MEIS1: variants seen among roughly 807,000 people sequenced by gnomAD.
MEIS1 encodes homeobox protein Meis1.
In MEIS1, 5 loss-of-function variants were observed where a neutral mutation model predicts 50.8. The ratio of observed to expected loss-of-function variants is 0.10; its 90% CI spans 0.05 to 0.21. The LOEUF (loss-of-function observed/expected upper bound fraction) is 0.21. MEIS1 is among the 10% of genes least tolerant of loss of function. The probability of loss-of-function intolerance (pLI) is 1.00; values close to 1 mark genes in which losing one functional copy is unlikely to be tolerated. For missense variants in MEIS1, 318 were observed against 517.3 expected, an observed-to-expected ratio of 0.61 and a Z score of 3.74; for synonymous variants, 176 against 179.3, an observed-to-expected ratio of 0.98 and a Z score of 0.15.
At chr2:66,470,146 G>A (rs920780228) in intron 7 of MEIS1, among the ~76,000 whole-genome samples, 2 of 152,170 alleles carry the variant, frequency 1.3e-5, no homozygotes, top group African/African-American at 4.8e-5. Context: ...CAATGGCACT[G>A]TAATGATTTT....
chr2:66,458,129 C>T (rs1211064261), intron 6 of MEIS1, among the ~76,000 whole-genome samples: 1 of 151,920 alleles, frequency 6.6e-6, no homozygotes, highest in African/African-American at 2.4e-5. Flanking sequence ...TTGAATGGGA[C>T]CAGTAGTGTA....
intron 7 of MEIS1, among the ~76,000 whole-genome samples, chr2:66,471,949 T>A (rs1321657493): frequency 1.3e-5 from 2 of 152,254 alleles, no homozygotes; most frequent in Admixed American, 6.5e-5. Flanking sequence ...TTGTTTTATG[T>A]AAACGATGAA....
intron 8 of MEIS1, among the ~76,000 whole-genome samples, chr2:66,538,828 G>T (rs1488938307): frequency 6.6e-6 from 1 of 152,156 alleles, no homozygotes; most frequent in Non-Finnish European, 1.5e-5. Context: ...GCATATTGTA[G>T]TGTGGTTAGA....
At chr2:66,464,068 C>T in intron 6 of MEIS1, 41 bp from the exon 7 acceptor site, 1 of 1,442,512 alleles carries the variant, frequency 6.9e-7, no homozygotes, top group Non-Finnish European at 9.6e-7. Flanking sequence ...TAAGGGTTCA[C>T]AGATGCCTCT....
intron 7 of MEIS1, among the ~76,000 whole-genome samples, chr2:66,468,886 T>C (rs938078079): frequency 6.6e-6 from 1 of 152,198 alleles, no homozygotes; most frequent in African/African-American, 2.4e-5. Context: ...GGGAGCATGA[T>C]GACTGATATG....
rs1179402652 is a variant in MEIS1 at position 66,560,677 on chromosome 2, T to C, written c.966-6776T>C. On this transcript the variant is annotated intron_variant, in intron 9 of 12. Transcript: ENST00000272369. ...CAATTTCAGTTCTTTCTAAAGTAAT[T>C]TGGCAAATACCCCCAACACTGTTAG... Among the ~76,000 whole-genome samples the C allele has an allele frequency of 2.6e-5, 4 of 152,134 alleles. 1 individual carries two copies.
chr2:66,567,542 C>T (rs1469048215), intron 10 of MEIS1, 31 bp downstream of exon 10: 2 of 1,609,768 alleles, frequency 1.2e-6, no homozygotes, highest in Admixed American at 3.4e-5. Flanking sequence ...GTATTCAAGT[C>T]ACGCAAGCGA....
At position 66,440,042 on chromosome 2, in the gene MEIS1, AAC is replaced by A. The variant is rs1241925593; in HGVS notation, c.381+65_381+66del. 2.3e-5 allele frequency: 33 copies of A among 1,409,410 alleles called. No homozygotes were observed. The African/African-American group carries it at 2.9e-4, about 12-fold the overall frequency. The allele number at this position is 1,409,410 out of a possible 1,614,324, so 87.3% of individuals were successfully genotyped here. A position where few individuals can be genotyped will look rare whatever the true frequency, so the allele number is the denominator to read the frequency against. Reference sequence around the variant, plus strand: ...ACAAAAAGAGAGCCCCCCCTTCGCCAACACACACGCGCGCGCGCGCGCGCGAA... The same window carrying A: ...ACAAAAAGAGAGCCCCCCCTTCGCCAACACACGCGCGCGCGCGCGCGCGAA... On this transcript the variant is annotated intron_variant, in intron 3 of 12. Coordinates refer to ENST00000272369, the MANE Select transcript of MEIS1 (RefSeq NM_002398.3).
intron 7 of MEIS1, among the ~76,000 whole-genome samples, chr2:66,499,376 C>G (rs1036414054): frequency 1.3e-5 from 2 of 151,418 alleles, no homozygotes; most frequent in African/African-American, 2.4e-5. Flanking sequence ...CTTTTTTTCC[C>G]CCTGACCCTT....
intron 7 of MEIS1, among the ~76,000 whole-genome samples, chr2:66,469,729 A>T (rs183510561): frequency 6.6e-6 from 1 of 152,126 alleles, no homozygotes; most frequent in East Asian, 1.9e-4. Flanking sequence ...CATACTTCCA[A>T]TTATGGCTCG....
chr2:66,464,607 T>C (rs1672592337), intron 7 of MEIS1, among the ~76,000 whole-genome samples: 1 of 152,198 alleles, frequency 6.6e-6, no homozygotes, highest in East Asian at 1.9e-4. Flanking sequence ...AAGTTAATGA[T>C]GTCTTAGGAT....
At chr2:66,487,957 G>A (rs17032116) in intron 7 of MEIS1, among the ~76,000 whole-genome samples, 3,756 of 152,282 alleles carry the variant, frequency 0.025, 60 homozygotes, top group Middle Eastern at 0.075. Flanking sequence ...AGGACTTAGC[G>A]TCAGTAATAG....
intron 10 of MEIS1, chr2:66,567,752 G>T: frequency 1.6e-6 from 1 of 633,000 alleles, no homozygotes; most frequent in Non-Finnish European, 2.8e-6. Flanking sequence ...AATATGCTCA[G>T]TTACAATATT....
chr2:66,461,949 T>C (rs1224369459), intron 6 of MEIS1: 4 of 454,516 alleles, frequency 8.8e-6, no homozygotes, highest in Non-Finnish European at 1.8e-5. Context: ...GAACCTTAGC[T>C]AAAGCTATGC....
rs146840226 is a variant in MEIS1, at chr2:66,450,508, A to G, written c.630+7460A>G. Reference sequence around the variant, plus strand: ...AAAAATAAAATGCCTGTTATTATTAATAAGTTTACGAAGTGAAATTTTAAA... The same window carrying G: ...AAAAATAAAATGCCTGTTATTATTAGTAAGTTTACGAAGTGAAATTTTAAA... On this transcript the variant is annotated intron_variant, in intron 6 of 12. Transcript: ENST00000272369. 1.2e-4 allele frequency among the ~76,000 whole-genome samples: 18 copies of G among 152,320 alleles called. No homozygotes were observed. The East Asian group carries it at 3.5e-3, about 29-fold the overall frequency.
At chr2:66,541,107 G>A (rs757345754) in intron 8 of MEIS1, among the ~76,000 whole-genome samples, 21 of 151,302 alleles carry the variant, frequency 1.4e-4, no homozygotes, top group Non-Finnish European at 2.7e-4. Flanking sequence ...GCGCAATCTC[G>A]GCTCATTGCA....
At chr2:66,499,458 G>A (rs1246429841) in intron 7 of MEIS1, among the ~76,000 whole-genome samples, 3 of 151,878 alleles carry the variant, frequency 2.0e-5, no homozygotes, top group Non-Finnish European at 4.4e-5. Flanking sequence ...TCTATCATTA[G>A]CTCTCAGGCT....
chr2:66,449,552 TC>T (rs1672232396), intron 6 of MEIS1, among the ~76,000 whole-genome samples: 3 of 152,086 alleles, frequency 2.0e-5, no homozygotes, highest in Non-Finnish European at 4.4e-5. Flanking sequence ...TTAAACAGAC[TC>T]TCCAGGAAGT....
intron 7 of MEIS1, among the ~76,000 whole-genome samples, chr2:66,471,524 G>T (rs1191415366): frequency 6.6e-6 from 1 of 152,182 alleles, no homozygotes. Context: ...CAACTCCGGT[G>T]TGACTTGTAG....
Sources: gnomAD v4.1 joint callset for allele counts (sites outside exome capture counted in the v4.1 genomes callset) on GRCh38, gnomAD v4.1.1 for gene constraint, MANE v1.5 for transcripts, NCBI Gene and HGNC (gene_info 2026-07-23, HGNC 2026-07-21) for gene names.